The following TRIM33 variants were observed in gnomAD, a reference collection of about 807,000 sequenced individuals.
TRIM33 encodes E3 ubiquitin-protein ligase TRIM33.
TRIM33 carries 20 observed loss-of-function variants against 125.4 expected under a neutral mutation model. The ratio of observed to expected loss-of-function variants is 0.16; its 90% CI spans 0.11 to 0.23. The LOEUF is 0.23. Among genes scored for constraint, TRIM33 ranks in the 10% least tolerant of loss-of-function variants. TRIM33 has a pLI of 1.00. For synonymous variants in TRIM33, 564 were observed against 513.9 expected, an observed-to-expected ratio of 1.10 and a Z score of -1.32; for missense variants, 920 against 1,411.4, an observed-to-expected ratio of 0.65 and a Z score of 5.58.
chr1:114,461,402 T>C (rs963142276), intron 4 of TRIM33, among the ~76,000 whole-genome samples: 3 of 150,508 alleles, frequency 2.0e-5, no homozygotes, highest in Admixed American at 6.6e-5. Flanking sequence ...AGCCCTTAAC[T>C]TGTGGGACCT....
intron 1 of TRIM33, among the ~76,000 whole-genome samples, chr1:114,503,706 A>G (rs919552482): frequency 1.3e-5 from 2 of 152,114 alleles, no homozygotes; most frequent in Non-Finnish European, 2.9e-5. Context: ...GCAAATACCA[A>G]TTTTCCAAAA....
At chr1:114,495,932 A>C (rs1271711984) in intron 1 of TRIM33, among the ~76,000 whole-genome samples, 1 of 152,202 alleles carries the variant, frequency 6.6e-6, no homozygotes, top group Non-Finnish European at 1.5e-5. Flanking sequence ...CTTTAATATA[A>C]TCTCTTACCT....
At chr1:114,405,888 A>G in intron 14 of TRIM33, 129 bp from the exon 15 acceptor site, 3 of 824,348 alleles carry the variant, frequency 3.6e-6, no homozygotes, top group South Asian at 3.8e-5. Context: ...ATAGATCACA[A>G]TAGTGCCATA....
Position 114,511,114 on chromosome 1 carries a change from CCCGCCGCCCGCGTCGCCGCCG to C in TRIM33, c.-59_-39del, listed in dbSNP as rs1207292467. The C allele has an allele frequency of 2.7e-5, 31 of 1,133,734 alleles. 1 individual carries two copies. The highest frequency in any genetic ancestry group is 3.0e-5 in the Non-Finnish European group (28 of 928,586). The allele number at this position is 1,133,734 out of a possible 1,614,324, so 70.2% of individuals were successfully genotyped here. On this transcript the variant is annotated 5_prime_UTR_variant, in exon 1 of 20. Transcript: ENST00000358465. ...GAACCCGCCGGACCGCCCCGCGCCG[CCCGCCGCCCGCGTCGCCGCCG>C]CCGCCGCCCCCAGCCCCAGCCGCAG...
intron 4 of TRIM33, among the ~76,000 whole-genome samples, chr1:114,459,280 G>C (rs919340766): frequency 6.6e-6 from 1 of 152,032 alleles, no homozygotes; most frequent in Admixed American, 6.6e-5. Context: ...GATCACAAAC[G>C]ATCAACAATT....
At chr1:114,406,029 G>A (rs559346381) in intron 14 of TRIM33, among the ~76,000 whole-genome samples, 25 of 152,194 alleles carry the variant, frequency 1.6e-4, no homozygotes, top group Admixed American at 9.8e-4. Flanking sequence ...ATTGGGAAGT[G>A]AGCATAGGGT....
intron 1 of TRIM33, among the ~76,000 whole-genome samples, chr1:114,481,095 C>T (rs1651304655): frequency 1.3e-5 from 2 of 151,844 alleles, no homozygotes; most frequent in South Asian, 4.1e-4. Context: ...TAGCTTGAAC[C>T]CCAGGAGACG....
chr1:114,505,998 T>C (rs1026110837), intron 1 of TRIM33, among the ~76,000 whole-genome samples: 5 of 152,322 alleles, frequency 3.3e-5, no homozygotes, highest in Admixed American at 1.3e-4. Context: ...TAGAATCATA[T>C]AACCTAACGG....
chr1:114,509,684 C>G (rs1653219288), intron 1 of TRIM33, among the ~76,000 whole-genome samples: 2 of 152,216 alleles, frequency 1.3e-5, no homozygotes, highest in Non-Finnish European at 2.9e-5. Flanking sequence ...GAAACCTGTT[C>G]ATGGATTTCC....
chr1:114,434,679 A>G (rs78726918), intron 4 of TRIM33, among the ~76,000 whole-genome samples: 13 of 152,232 alleles, frequency 8.5e-5, no homozygotes, highest in Non-Finnish European at 1.5e-4. Context: ...GTTTTTTTCT[A>G]TGTCCTTTTT....
chr1:114,400,202 A>G (rs948443231), intron 17 of TRIM33, among the ~76,000 whole-genome samples: 8 of 152,130 alleles, frequency 5.3e-5, no homozygotes, highest in Non-Finnish European at 1.2e-4. Context: ...TTATTGACTG[A>G]TTGACTAATT....
At chr1:114,461,296 A>ATTT (rs376742841) in intron 4 of TRIM33, among the ~76,000 whole-genome samples, 10,896 of 141,752 alleles carry the variant, frequency 0.077, 491 homozygotes, top group African/African-American at 0.13. Context: ...ATATATTTAT[A>ATTT]TATTATATTT....
intron 1 of TRIM33, among the ~76,000 whole-genome samples, chr1:114,500,507 T>C (rs1429580600): frequency 6.6e-6 from 1 of 151,822 alleles, no homozygotes; most frequent in Non-Finnish European, 1.5e-5. Flanking sequence ...CACAGCTTAA[T>C]AAGTTTTTAA....
chr1:114,401,745 A>G (rs1651907176), intron 16 of TRIM33, among the ~76,000 whole-genome samples: 1 of 152,208 alleles, frequency 6.6e-6, no homozygotes, highest in Non-Finnish European at 1.5e-5. Flanking sequence ...TTGTGCAAAA[A>G]TTTATAAATT....
chr1:114,427,674 A>C (rs1436694338), intron 7 of TRIM33, 74 bp downstream of exon 7: 2 of 1,446,552 alleles, frequency 1.4e-6, no homozygotes, highest in East Asian at 4.7e-5. Context: ...TGTATACTTT[A>C]AACAGGTGCA....
At chr1:114,482,615 C>G (rs572886146) in intron 1 of TRIM33, among the ~76,000 whole-genome samples, 7 of 152,076 alleles carry the variant, frequency 4.6e-5, no homozygotes, top group Admixed American at 1.3e-4. Context: ...GATTTGTGTC[C>G]CCACCCAAAT....
intron 1 of TRIM33, among the ~76,000 whole-genome samples, chr1:114,465,154 C>T (rs1650215257): frequency 6.6e-6 from 1 of 152,214 alleles, no homozygotes. Flanking sequence ...TACTTGAATA[C>T]ATGCTAATAT....
chr1:114,472,899 A>G (rs1023161038), intron 1 of TRIM33, among the ~76,000 whole-genome samples: 6 of 152,182 alleles, frequency 3.9e-5, no homozygotes, highest in African/African-American at 1.4e-4. Context: ...ATACATGGGA[A>G]CAATATGATT....
intron 1 of TRIM33, among the ~76,000 whole-genome samples, chr1:114,471,595 G>A (rs1411867816): frequency 6.6e-6 from 1 of 151,790 alleles, no homozygotes; most frequent in African/African-American, 2.4e-5. Flanking sequence ...AAAAAGAAAA[G>A]GATAAACAAA....
Sources: gnomAD v4.1 joint callset for allele counts (sites outside exome capture counted in the v4.1 genomes callset) on GRCh38, gnomAD v4.1.1 for gene constraint, MANE v1.5 for transcripts, NCBI Gene and HGNC (gene_info 2026-07-23, HGNC 2026-07-21) for gene names.